MYH1: variants seen among roughly 807,000 people sequenced by gnomAD.
MYH1 encodes myosin-1.
A neutral mutation model predicts 225.6 loss-of-function variants in MYH1; 214 were observed. The ratio of observed to expected loss-of-function variants is 0.95; its 90% confidence interval spans 0.85 to 1.06. The LOEUF (loss-of-function observed/expected upper bound fraction) is 1.06. MYH1 is among the 50% of genes least tolerant of loss of function. MYH1 has a pLI of 0.00. For missense variants in MYH1, 2,098 were observed against 2,344.2 expected (o/e 0.89, Z 2.17); for synonymous variants, 774 against 842.3 (o/e 0.92, Z 1.40).
intron 17 of MYH1, among the ~76,000 whole-genome samples, chr17:10,506,682 G>A (rs559261405): frequency 3.9e-5 from 6 of 151,984 alleles, no homozygotes; most frequent in Non-Finnish European, 5.9e-5. Context: ...TGGTAGAGAC[G>A]GGGTTTCACC....
At chr17:10,503,293 G>A in intron 22 of MYH1, 45 bp from the exon 23 acceptor site, 1 of 1,590,208 alleles carries the variant, frequency 6.3e-7, no homozygotes, top group Non-Finnish European at 8.5e-7. Context: ...AAAATTCCTA[G>A]ACATTTTCAG....
intron 19 of MYH1, 49 bp downstream of exon 19, chr17:10,505,763 A>G (rs1384658604): frequency 5.6e-6 from 9 of 1,607,100 alleles, no homozygotes; most frequent in South Asian, 1.1e-5. Flanking sequence ...AAAAATGTTT[A>G]AAAAGTAATA....
rs765943213 is a variant in MYH1, at chr17:10,495,962, G to A, written c.5157C>T (p.Leu1719=). The part of the protein sequence containing the change: ...ELLDASERVQ[L]LHTQNTSLIN... ...TTATTACATGCACCTGGGTGTGCAG[G>A]AGCTGAACACGCTCACTGGCATCCA... The change falls in exon 35 of 40, where the codon CTC becomes CTT. Residue 1719 remains leucine, a synonymous_variant. Transcript: ENST00000226207. The A allele has an allele frequency of 5.0e-6, 8 of 1,613,798 alleles. No homozygotes were observed. The African/African-American group carries it at 9.4e-5, about 19-fold the overall frequency.
chr17:10,514,013 C>A lies in MYH1; in HGVS notation c.645G>T (p.Met215Ile). The A allele has an allele frequency of 1.2e-6, 2 of 1,614,170 alleles. No individual in the cohort carries two copies. Among genetic ancestry groups the A allele is most frequent in the Non-Finnish European group, 1.7e-6 (2 of 1,179,990 alleles). ...KKKEEVTSGK[M>I]QGTLEDQIIS... ...TCTGACTAACAATCAGACTCACCTG[C>A]ATTTTGCCAGAAGTAACTTCTTCCT... The change falls in exon 7 of 40, where the codon ATG (methionine) becomes ATT (isoleucine). Residue 215 changes from methionine to isoleucine, a missense_variant. By Grantham distance (10) the Met-to-Ile change is conservative. Coordinates refer to ENST00000226207, the MANE Select transcript of MYH1 (RefSeq NM_005963.4).
chr17:10,516,757 A>G, intron 2 of MYH1, 75 bp from the exon 3 acceptor site: 1 of 1,297,400 alleles, frequency 7.7e-7, no homozygotes, highest in East Asian at 2.5e-5. Flanking sequence ...CTTTAAAAAA[A>G]AATTTACTGA....
rs367773958 is a variant in MYH1 at position 10,508,653 on chromosome 17, A to T, written c.1607T>A (p.Ile536Asn). The T allele has an allele frequency of 6.2e-7, 1 of 1,614,106 alleles. No individual in the cohort carries two copies. The highest frequency in any genetic ancestry group is 1.1e-5 in the South Asian group (1 of 91,074). The change falls in exon 16 of 40, where the codon ATC (isoleucine) becomes AAC (asparagine). Residue 536 changes from isoleucine (I) to asparagine (N), a missense_variant. Ile to Asn is a moderately radical substitution (Grantham distance 149). Coordinates refer to ENST00000226207, the MANE Select transcript of MYH1 (RefSeq NM_005963.4). ...LIEKPMGIFS[I>N]LEEECMFPKA... ...GGGGAACATGCACTCCTCTTCCAGG[A>T]TGGAGAAGATGCCCATAGGCTGGAA... is the stretch of plus-strand genomic sequence containing the variant.
At chr17:10,502,627 A>C (rs1199367403) in intron 24 of MYH1, 111 bp downstream of exon 24, 3 of 1,490,354 alleles carry the variant, frequency 2.0e-6, no homozygotes. Flanking sequence ...CATATTCCTC[A>C]TTCATAGGAG....
Position 10,501,406 on chromosome 17 carries a change from C to G in MYH1, c.3442G>C (p.Glu1148Gln). 1 of 1,614,232 alleles carries G rather than the reference C, an allele frequency of 6.2e-7. No individual in the cohort carries two copies. The highest frequency in any genetic ancestry group is 8.5e-7 in the Non-Finnish European group (1 of 1,180,046). Residue 1148 changes from glutamate to glutamine, a missense_variant, in exon 27 of 40, where the codon GAG (glutamate) becomes CAG (glutamine). Transcript: ENST00000226207. ...TCTTCCAGCCTCTCGCTGATCTCCTCCAGCTCCCGGGAGAGATCAGAGCGC... is the reference window on the plus strand; with the variant it reads ...TCTTCCAGCCTCTCGCTGATCTCCTGCAGCTCCCGGGAGAGATCAGAGCGC... The part of the protein sequence containing the change: ...KQRSDLSREL[E>Q]EISERLEEAG...
At position 10,513,690 on chromosome 17, in the gene MYH1, C is replaced by G. The variant is rs1482383650; in HGVS notation, c.742-1G>C. On this transcript the variant is annotated splice_acceptor_variant, in intron 8 of 39. Coordinates refer to ENST00000226207, the MANE Select transcript of MYH1 (RefSeq NM_005963.4). LOFTEE classifies it high-confidence loss of function. ...CGAAGTGGATCCTGATGAATTTACCCTTGTAAGTAAAAAAAATGATGTTAT... is the reference window on the plus strand; with the variant it reads ...CGAAGTGGATCCTGATGAATTTACCGTTGTAAGTAAAAAAAATGATGTTAT... The G allele has an allele frequency of 6.2e-7, 1 of 1,613,922 alleles. No individual in the cohort carries two copies. Among genetic ancestry groups the G allele is most frequent in the Non-Finnish European group, 8.5e-7 (1 of 1,179,950 alleles).
In MYH1 at chr17:10,498,984, T is replaced by C. The variant is rs371854508; in HGVS notation, c.3974A>G (p.Glu1325Gly). The C allele has an allele frequency of 2.7e-5, 43 of 1,611,918 alleles. No homozygotes were observed. The East Asian group carries it at 4.0e-4, about 15-fold the overall frequency. ...ACAAGTGGAGCTTACCTTTATCTCC[T>C]CTTCAAGTTGCCTTTTCAGTTCCTC... Reference protein sequence around the residue: ...QIEELKRQLEEEIKAKSALAH... With the variant: ...QIEELKRQLEGEIKAKSALAH... Residue 1325 changes from glutamate to glycine, a missense_variant, in exon 29 of 40, where the codon GAG (glutamate) becomes GGG (glycine). By Grantham distance (98) the Glu-to-Gly change is moderately conservative (BLOSUM62 -2). Transcript: ENST00000226207.
chr17:10,512,781 A>G lies in MYH1; in HGVS notation c.908T>C (p.Met303Thr). 1 of 1,614,030 alleles carries G rather than the reference A, an allele frequency of 6.2e-7. No individual in the cohort carries two copies. Among genetic ancestry groups the G allele is most frequent in the Non-Finnish European group, 8.5e-7 (1 of 1,179,886 alleles). The change falls in exon 11 of 40, where the codon ATG becomes ACG. Residue 303 changes from methionine to threonine, a missense_variant. Met to Thr is a moderately conservative substitution (Grantham distance 81). Coordinates refer to ENST00000226207, the MANE Select transcript of MYH1 (RefSeq NM_005963.4). ...GTATGGGTTGGTGGTGATCAGGAGC[A>G]TTTCTGGGTCACAGAATTCAGGGCA... ...MSNKKPDLIE[M>T]LLITTNPYDY...
chr17:10,508,255 G>A, intron 16 of MYH1, 108 bp downstream of exon 16: 1 of 1,271,946 alleles, frequency 7.9e-7, no homozygotes, highest in Non-Finnish European at 1.1e-6. Context: ...CTGACCTCAG[G>A]CAATCTACCC....
rs1194522202 is a variant in MYH1, at chr17:10,511,901, T to A, written c.1354A>T (p.Thr452Ser). ...MVTRINQQLD[T>S]KQPRQYFIGV... ...ATGAAGTACTGCCTGGGCTGCTTGG[T>A]GTCCAGCTGCTGGTTGATGCGGGTG... The change falls in exon 14 of 40, where the codon ACC becomes TCC. Residue 452 changes from threonine to serine, a missense_variant. Thr to Ser is a moderately conservative substitution (Grantham distance 58). Coordinates refer to ENST00000226207, the MANE Select transcript of MYH1 (RefSeq NM_005963.4). 6.2e-7 allele frequency: 1 copy of A among 1,614,098 alleles called. No homozygotes were observed. Among genetic ancestry groups the A allele is most frequent in the East Asian group, 2.2e-5 (1 of 44,898 alleles).
At chr17:10,503,555 T>C (rs575723595) in intron 22 of MYH1, among the ~76,000 whole-genome samples, 13 of 152,308 alleles carry the variant, frequency 8.5e-5, no homozygotes, top group African/African-American at 2.9e-4. Context: ...ATTCAATATA[T>C]GAAAAACCAA....
At chr17:10,494,754 T>C (rs1213119061) in intron 37 of MYH1, 81 bp from the exon 38 acceptor site, 4 of 1,589,156 alleles carry the variant, frequency 2.5e-6, no homozygotes, top group Non-Finnish European at 2.6e-6. Flanking sequence ...TCTTCTACTC[T>C]GCTTTATATG....
At chr17:10,506,632 A>G (rs2073115041) in intron 17 of MYH1, among the ~76,000 whole-genome samples, 1 of 152,058 alleles carries the variant, frequency 6.6e-6, no homozygotes, top group South Asian at 2.1e-4. Flanking sequence ...AGCTGGGATT[A>G]CAGGCACATG....
chr17:10,492,507 G>A lies in MYH1; in HGVS notation c.5729C>T (p.Ala1910Val), dbSNP rs771127734. Reference sequence around the variant, plus strand: ...CTCAGCAATGTCAGCCCGTTCCTCGGCCTCCTCCAGCTCGTGCTGGATCCT... The same window carrying A: ...CTCAGCAATGTCAGCCCGTTCCTCGACCTCCTCCAGCTCGTGCTGGATCCT... ...FRRIQHELEE[A>V]EERADIAESQ... is the part of the protein sequence containing the mutation. Residue 1910 changes from alanine (A) to valine (V), a missense_variant, in exon 40 of 40, where the codon GCC (alanine) becomes GTC (valine). Ala to Val is a moderately conservative substitution (Grantham distance 64). Coordinates refer to ENST00000226207, the MANE Select transcript of MYH1 (RefSeq NM_005963.4). 38 of 1,614,000 alleles carry A rather than the reference G, an allele frequency of 2.4e-5. No homozygotes were observed. The highest frequency in any genetic ancestry group is 3.0e-5 in the Non-Finnish European group (35 of 1,180,020).
rs574028621 is a variant in MYH1 at position 10,496,545 on chromosome 17, G to A, written c.4661C>T (p.Ser1554Phe). The change falls in exon 34 of 40, where the codon TCT becomes TTT. Residue 1554 changes from serine (S) to phenylalanine (F), a missense_variant. Physicochemically the swap from Ser to Phe is radical, Grantham distance 155. Coordinates refer to ENST00000226207, the MANE Select transcript of MYH1 (RefSeq NM_005963.4). ...LQAALEEAEA[S>F]LEHEEGKILR... is the part of the protein sequence containing the mutation. ...GATCTTTCCCTCTTCATGTTCAAGA[G>A]ATGCCTTAATGACAGCAAGAGGTGA... The A allele has an allele frequency of 1.2e-6, 2 of 1,614,124 alleles. No individual in the cohort carries two copies. Among genetic ancestry groups the A allele is most frequent in the East Asian group, 4.5e-5 (2 of 44,870 alleles).
rs139209508 is a variant in MYH1 at position 10,514,692 on chromosome 17, C to T, written c.533+176G>A. Among the ~76,000 whole-genome samples the T allele has an allele frequency of 8.3e-4, 127 of 152,298 alleles. 1 individual carries two copies. The East Asian group carries it at 0.012, about 15-fold the overall frequency. On this transcript the variant is annotated intron_variant, in intron 6 of 39. Coordinates refer to ENST00000226207, the MANE Select transcript of MYH1 (RefSeq NM_005963.4). The stretch of plus-strand genomic sequence containing the variant: ...GACCAGCAAATGAGGTGATTTAGAA[C>T]ATTATTATTTTACATTCTAATGCAA...
Sources: gnomAD v4.1 joint callset for allele counts (sites outside exome capture counted in the v4.1 genomes callset) on GRCh38, gnomAD v4.1.1 for gene constraint, MANE v1.5 for transcripts, NCBI Gene and HGNC (gene_info 2026-07-23, HGNC 2026-07-21) for gene names.